CALB1: variants seen among roughly 807,000 people sequenced by gnomAD.
CALB1 encodes the protein calbindin 1, also known as calbindin.
Under a neutral mutation model 46.7 loss-of-function variants are expected in CALB1, and 16 were observed. The observed-to-expected ratio is 0.34, with a 90% CI of 0.23 to 0.52. The LOEUF is 0.52. Among genes scored for constraint, CALB1 ranks in the 20% least tolerant of loss-of-function variants. The probability of loss-of-function intolerance (pLI) is 0.95; values close to 1 mark genes in which losing one functional copy is unlikely to be tolerated. For missense variants in CALB1, 224 were observed against 300.3 expected (o/e 0.75, Z 1.88); for synonymous variants, 90 against 112.8 (o/e 0.80, Z 1.28).
chr8:90,081,521 T>A, intron 2 of CALB1: 1 of 951,962 alleles, frequency 1.1e-6, no homozygotes, highest in Non-Finnish European at 1.3e-6. Flanking sequence ...ATCTGTTTCT[T>A]GACCACCAAG....
intron 7 of CALB1, 35 bp downstream of exon 7, chr8:90,063,371 C>A: frequency 6.3e-7 from 1 of 1,587,356 alleles, no homozygotes; most frequent in Non-Finnish European, 8.6e-7. Flanking sequence ...TGAAAAGGAT[C>A]CACTTACAAT....
intron 2 of CALB1, among the ~76,000 whole-genome samples, chr8:90,080,931 G>A (rs1189897079): frequency 2.0e-5 from 3 of 151,990 alleles, no homozygotes; most frequent in African/African-American, 7.2e-5. Flanking sequence ...CATTGGTAGT[G>A]TAAAATCTCT....
chr8:90,063,517 G>A (rs564570136), intron 6 of CALB1, 56 bp from the exon 7 acceptor site: 1 of 1,414,924 alleles, frequency 7.1e-7, no homozygotes, highest in East Asian at 2.3e-5. Flanking sequence ...ATTGCATGAA[G>A]GAGATGAACT....
rs1814251262 is a variant in CALB1 at position 90,059,186 on chromosome 8, A to AAAG, written c.*984_*986dup. On this transcript the variant is annotated 3_prime_UTR_variant, in exon 11 of 11. Coordinates refer to ENST00000265431, the MANE Select transcript of CALB1 (RefSeq NM_004929.4). ...AAATATAGAATCCACAGAATACACA[A>AAAG]AAGTATTGATGATATAACATTCAAT... 1 of 152,644 alleles carries AAAG rather than the reference A, an allele frequency of 6.6e-6. No homozygotes were observed. Among genetic ancestry groups the AAAG allele is most frequent in the African/African-American group, 2.4e-5 (1 of 41,456 alleles). The allele number at this position is 152,644 out of a possible 1,614,324, so 9.5% of individuals were successfully genotyped here.
At chr8:90,082,138 C>T (rs1586186892) in intron 1 of CALB1, 36 bp from the exon 2 acceptor site, 3 of 1,554,680 alleles carry the variant, frequency 1.9e-6, no homozygotes, top group Admixed American at 1.7e-5. Flanking sequence ...TGTCAGATAT[C>T]TCATTCCAAG....
intron 5 of CALB1, among the ~76,000 whole-genome samples, chr8:90,067,529 A>C (rs536456281): frequency 6.6e-6 from 1 of 152,316 alleles, no homozygotes; most frequent in Non-Finnish European, 1.5e-5. Flanking sequence ...CAAGTTTGTA[A>C]AATACACTGT....
intron 8 of CALB1, 44 bp from the exon 9 acceptor site, chr8:90,063,197 G>A (rs755592762): frequency 8.5e-6 from 13 of 1,520,562 alleles, no homozygotes; most frequent in African/African-American, 1.4e-5. Flanking sequence ...TTATTACTAT[G>A]TTTCAGTATG....
chr8:90,060,215 G>A lies in CALB1; in HGVS notation c.744C>T (p.Tyr248=). ...IMALSDGGKL[Y]RTDLALILCA... ...AGAGAATAAGAGCAAGATCCGTTCG[G>A]TACAGCTTCCCTCCATCCGACAAAG... Residue 248 remains tyrosine, a synonymous_variant, in exon 11 of 11, where the codon TAC becomes TAT. Coordinates refer to ENST00000265431, the MANE Select transcript of CALB1 (RefSeq NM_004929.4). 2 of 1,613,668 alleles carry A rather than the reference G, an allele frequency of 1.2e-6. No homozygotes were observed. Among genetic ancestry groups the A allele is most frequent in the East Asian group, 2.2e-5 (1 of 44,852 alleles).
rs1220336758 is a variant in CALB1 at position 90,059,493 on chromosome 8, C to G, written c.*680G>C. 3 of 152,364 alleles carry G rather than the reference C, an allele frequency of 2.0e-5. No individual in the cohort carries two copies. The highest frequency in any genetic ancestry group is 4.4e-5 in the Non-Finnish European group (3 of 68,036). 9.4% of individuals were successfully genotyped at this position (152,364 alleles called of 1,614,324 possible). On this transcript the variant is annotated 3_prime_UTR_variant, in exon 11 of 11. Transcript: ENST00000265431. ...AGAAAATGGATTTAGGTCATATTCTCTGACAGTAAGTTTGTTGGAAATACA... is the reference window on the plus strand; with the variant it reads ...AGAAAATGGATTTAGGTCATATTCTGTGACAGTAAGTTTGTTGGAAATACA...
At chr8:90,063,213 C>T in intron 8 of CALB1, 60 bp from the exon 9 acceptor site, 1 of 1,530,222 alleles carries the variant, frequency 6.5e-7, no homozygotes, top group Non-Finnish European at 9.0e-7. Flanking sequence ...GTATGTTTCC[C>T]TTGACAAGTC....
In CALB1 at chr8:90,063,408, G is replaced by A; in HGVS notation, c.504C>T (p.Ala168=). The A allele has an allele frequency of 6.2e-7, 1 of 1,609,418 alleles. No homozygotes were observed. The highest frequency in any genetic ancestry group is 8.5e-7 in the Non-Finnish European group (1 of 1,176,560). The change falls in exon 7 of 11, where the codon GCC becomes GCT. Residue 168 remains alanine (A), a splice_region_variant and synonymous_variant. Coordinates refer to ENST00000265431, the MANE Select transcript of CALB1 (RefSeq NM_004929.4). ...TTTTTCATGGTTCCTAAACTCACCT[G>A]GCCATCTCAGTTAATTCCAGCTTCC... ...NDGKLELTEM[A]RLLPVQENFL...
Position 90,078,420 on chromosome 8 carries a change from CA to C in CALB1, c.183del (p.Phe61LeufsTer13). The C allele has an allele frequency of 6.3e-7, 1 of 1,592,922 alleles. No individual in the cohort carries two copies. Among genetic ancestry groups the C allele is most frequent in the Admixed American group, 1.7e-5 (1 of 58,100 alleles). ...TCATCTCTTTGCCCATACTGATCCACAAAAGTTTTCATTTCAGGTGATAACT... is the reference window on the plus strand; with the variant it reads ...TCATCTCTTTGCCCATACTGATCCACAAAGTTTTCATTTCAGGTGATAACT... ...GLELSPEMKT[F>X]VDQYGQRDDG... On this transcript the variant is annotated frameshift_variant, in exon 3 of 11. Transcript: ENST00000265431. LOFTEE classifies it high-confidence loss of function.
At chr8:90,079,057 A>G (rs1232614541) in intron 2 of CALB1, among the ~76,000 whole-genome samples, 2 of 152,020 alleles carry the variant, frequency 1.3e-5, no homozygotes, top group Admixed American at 6.6e-5. Flanking sequence ...TAGAACTGGT[A>G]TTCAGGAGGT....
rs766389163 is a variant in CALB1 at position 90,082,628 on chromosome 8, C to G, written c.70G>C (p.Asp24His). 1 of 1,613,452 alleles carries G rather than the reference C, an allele frequency of 6.2e-7. No homozygotes were observed. The highest frequency in any genetic ancestry group is 8.5e-7 in the Non-Finnish European group (1 of 1,179,558). Residue 24 changes from aspartate (D) to histidine (H), a missense_variant, in exon 1 of 11, where the codon GAC becomes CAC. Coordinates refer to ENST00000265431, the MANE Select transcript of CALB1 (RefSeq NM_004929.4). ...AAGAGAAGATAATCACCGTCAGCGT[C>G]GAAATGGAGCCAGATCTCGAAAAAC... The part of the protein sequence containing the change: ...SQFFEIWLHF[D>H]ADGSGYLEGK...
At position 90,082,779 on chromosome 8, in the gene CALB1, T is replaced by C; in HGVS notation, c.-82A>G. On this transcript the variant is annotated 5_prime_UTR_variant, in exon 1 of 11. Transcript: ENST00000265431. ...AGGGGGAGTGAGCAAAAGCTCAGCG[T>C]GTGCGCGAGTCAGGGCTGCGGAGGG... 2 of 1,358,756 alleles carry C rather than the reference T, an allele frequency of 1.5e-6. No homozygotes were observed. The highest frequency in any genetic ancestry group is 2.1e-6 in the Non-Finnish European group (2 of 948,506). The allele number at this position is 1,358,756 out of a possible 1,614,324, so 84.2% of individuals were successfully genotyped here.
chr8:90,082,755 G>C lies in CALB1; in HGVS notation c.-58C>G. ...TATGCGTGTGTCTGTGTCCGCGCGA[G>C]GGGGAGTGAGCAAAAGCTCAGCGTG... On this transcript the variant is annotated 5_prime_UTR_variant, in exon 1 of 11. Transcript: ENST00000265431. 2 of 1,518,458 alleles carry C rather than the reference G, an allele frequency of 1.3e-6. No homozygotes were observed. The highest frequency in any genetic ancestry group is 1.8e-6 in the Non-Finnish European group (2 of 1,094,056). The allele number at this position is 1,518,458 out of a possible 1,614,324, so 94.1% of individuals were successfully genotyped here.
chr8:90,079,285 G>C (rs1814681857), intron 2 of CALB1, among the ~76,000 whole-genome samples: 1 of 151,804 alleles, frequency 6.6e-6, no homozygotes, highest in African/African-American at 2.4e-5. Flanking sequence ...TAATTAAAGG[G>C]CTATATTGAG....
intron 2 of CALB1, among the ~76,000 whole-genome samples, chr8:90,079,221 A>G (rs528684183): frequency 5.3e-5 from 8 of 152,082 alleles, no homozygotes; most frequent in African/African-American, 1.7e-4. Flanking sequence ...ATAGCTAACA[A>G]GATGGTGGTA....
chr8:90,069,275 T>C (rs1434057917), intron 3 of CALB1, 38 bp from the exon 4 acceptor site: 1 of 1,534,942 alleles, frequency 6.5e-7, no homozygotes, highest in Non-Finnish European at 9.0e-7. Flanking sequence ...GTGTTGTAAG[T>C]TGCTCAAAAA....
Sources: allele counts gnomAD v4.1 joint callset (sites outside exome capture counted in the v4.1 genomes callset), GRCh38; gene constraint gnomAD v4.1.1; transcripts MANE v1.5; gene names NCBI Gene and HGNC (gene_info 2026-07-23, HGNC 2026-07-21).